Variants in N4BP1 observed in about 807,000 individuals in gnomAD.
N4BP1 encodes the protein NEDD4-binding protein 1.
Under a neutral mutation model 70.9 loss-of-function variants are expected in N4BP1, and 21 were observed. The ratio of observed to expected loss-of-function variants is 0.30; its 90% CI spans 0.21 to 0.43. The LOEUF (loss-of-function observed/expected upper bound fraction) is 0.43, where lower values mean the gene tolerates loss of function less well. Among genes scored for constraint, N4BP1 ranks in the 20% least tolerant of loss-of-function variants. The probability of loss-of-function intolerance (pLI) is 1.00; values close to 1 mark genes in which losing one functional copy is unlikely to be tolerated. For synonymous variants in N4BP1, 387 were observed against 394.6 expected, an observed-to-expected ratio of 0.98 and a Z score of 0.23; for missense variants, 936 against 1,069.4, an observed-to-expected ratio of 0.88 and a Z score of 1.74.
chr16:48,546,979 T>C (rs111751857), intron 5 of N4BP1, among the ~76,000 whole-genome samples: 3 of 152,344 alleles, frequency 2.0e-5, no homozygotes, highest in African/African-American at 7.2e-5. Flanking sequence ...GCTCATTAAC[T>C]GTGCCCAGAA....
chr16:48,608,475 G>T (rs1183855795), intron 1 of N4BP1, among the ~76,000 whole-genome samples: 2 of 152,164 alleles, frequency 1.3e-5, no homozygotes, highest in Admixed American at 1.3e-4. Context: ...TGCAAAAAGA[G>T]GGCCCTTCCT....
chr16:48,544,133 G>GCA (rs1441568149), intron 6 of N4BP1, among the ~76,000 whole-genome samples: 1 of 152,234 alleles, frequency 6.6e-6, no homozygotes, highest in Non-Finnish European at 1.5e-5. Context: ...GGACTGATGA[G>GCA]CACAGCAGGT....
intron 1 of N4BP1, among the ~76,000 whole-genome samples, chr16:48,574,435 T>C (rs749090690): frequency 2.6e-5 from 4 of 152,226 alleles, no homozygotes; most frequent in Non-Finnish European, 5.9e-5. Context: ...CTTTTCTGGA[T>C]TAGTTTAATT....
At chr16:48,591,428 T>C (rs974383690) in intron 1 of N4BP1, among the ~76,000 whole-genome samples, 1 of 152,124 alleles carries the variant, frequency 6.6e-6, no homozygotes, top group African/African-American at 2.4e-5. Flanking sequence ...TATGGGTCCA[T>C]GGTTAAGCTG....
chr16:48,606,731 A>G (rs1964587444), intron 1 of N4BP1, among the ~76,000 whole-genome samples: 1 of 152,164 alleles, frequency 6.6e-6, no homozygotes, highest in African/African-American at 2.4e-5. Context: ...TCTCTACTCT[A>G]GCATTTGCAA....
chr16:48,580,911 C>A (rs1964167017), intron 1 of N4BP1, among the ~76,000 whole-genome samples: 1 of 151,948 alleles, frequency 6.6e-6, no homozygotes, highest in Non-Finnish European at 1.5e-5. Context: ...TTTAAGTATA[C>A]AGGAAAATAT....
At chr16:48,572,667 T>C (rs1964035290) in intron 1 of N4BP1, among the ~76,000 whole-genome samples, 1 of 152,098 alleles carries the variant, frequency 6.6e-6, no homozygotes, top group Admixed American at 6.5e-5. Context: ...CCAAACATCA[T>C]AGCTATGCAG....
In N4BP1 at chr16:48,581,447, A is replaced by C. The variant is rs546154085; in HGVS notation, c.199-19003T>G. Among the ~76,000 whole-genome samples, 3 of 152,246 alleles carry C rather than the reference A, an allele frequency of 2.0e-5. No individual in the cohort carries two copies. In the South Asian group the frequency reaches 6.2e-4, roughly 32 times the overall value. On this transcript the variant is annotated intron_variant, in intron 1 of 6. Coordinates refer to ENST00000262384, the MANE Select transcript of N4BP1 (RefSeq NM_153029.4). ...AGAAATATAAGACATCCACACTAGAAAGAAAAAAGTTAAACTGTTCCCAGA... is the reference window on the plus strand; with the variant it reads ...AGAAATATAAGACATCCACACTAGACAGAAAAAAGTTAAACTGTTCCCAGA...
intron 5 of N4BP1, among the ~76,000 whole-genome samples, chr16:48,546,953 C>T (rs62059428): frequency 2.5e-3 from 374 of 152,266 alleles, no homozygotes; most frequent in Non-Finnish European, 4.1e-3. Flanking sequence ...CAGAAACATG[C>T]CCTACAAGAT....
At chr16:48,602,586 G>T (rs928129723) in intron 1 of N4BP1, among the ~76,000 whole-genome samples, 3 of 152,044 alleles carry the variant, frequency 2.0e-5, no homozygotes, top group Non-Finnish European at 1.5e-5. Context: ...TTCTTAAGAA[G>T]ATGATTTTCA....
chr16:48,608,658 G>C (rs928196592), intron 1 of N4BP1, among the ~76,000 whole-genome samples: 13 of 151,780 alleles, frequency 8.6e-5, no homozygotes, highest in African/African-American at 2.2e-4. Context: ...GGTTTGGAAA[G>C]GGGGGGAAGT....
chr16:48,570,133 G>A (rs1330645472), intron 1 of N4BP1, among the ~76,000 whole-genome samples: 1 of 151,004 alleles, frequency 6.6e-6, no homozygotes, highest in African/African-American at 2.4e-5. Context: ...ACTTGGGGCT[G>A]GGTTACATGA....
intron 1 of N4BP1, among the ~76,000 whole-genome samples, chr16:48,562,723 A>G (rs1963879755): frequency 6.6e-6 from 1 of 152,254 alleles, no homozygotes; most frequent in African/African-American, 2.4e-5. Flanking sequence ...GCTGAGCTAC[A>G]CAGTGAATAA....
At chr16:48,607,056 CTA>C (rs1416527108) in intron 1 of N4BP1, among the ~76,000 whole-genome samples, 4 of 152,098 alleles carry the variant, frequency 2.6e-5, no homozygotes, top group Non-Finnish European at 5.9e-5. Context: ...CAACTCTTAC[CTA>C]TGAGTCTCAA....
At chr16:48,543,705 G>C (rs1312222045) in intron 6 of N4BP1, among the ~76,000 whole-genome samples, 1 of 152,168 alleles carries the variant, frequency 6.6e-6, no homozygotes, top group Non-Finnish European at 1.5e-5. Flanking sequence ...GTCTAGATGA[G>C]GTGTGGGTGG....
Position 48,553,569 on chromosome 16 carries a change from A to G in N4BP1, c.1990T>C (p.Trp664Arg). The G allele has an allele frequency of 6.3e-7, 1 of 1,599,904 alleles. No homozygotes were observed. Among genetic ancestry groups the G allele is most frequent in the Non-Finnish European group, 8.5e-7 (1 of 1,174,414 alleles). The change falls in exon 3 of 7, where the codon TGG becomes CGG. Residue 664 changes from tryptophan (W) to arginine (R), a missense_variant. Coordinates refer to ENST00000262384, the MANE Select transcript of N4BP1 (RefSeq NM_153029.4). ...NRNITVFVPQ[W>R]RTRRDPNVTE... ...ACATTAGGATCACGCCTTGTTCTCCACTGAGGGACAAATACAGTGATGTTT... is the reference window on the plus strand; with the variant it reads ...ACATTAGGATCACGCCTTGTTCTCCGCTGAGGGACAAATACAGTGATGTTT...
At chr16:48,564,703 G>C (rs888242793) in intron 1 of N4BP1, among the ~76,000 whole-genome samples, 5 of 152,176 alleles carry the variant, frequency 3.3e-5, no homozygotes, top group African/African-American at 1.2e-4. Flanking sequence ...ATATCTTGCT[G>C]GAATTTTATC....
intron 3 of N4BP1, among the ~76,000 whole-genome samples, chr16:48,551,761 G>A (rs887662565): frequency 6.6e-6 from 1 of 152,200 alleles, no homozygotes; most frequent in Admixed American, 6.5e-5. Context: ...GCTCACGCCT[G>A]TAATCCCAGC....
chr16:48,548,196 C>T, intron 4 of N4BP1, 82 bp from the exon 5 acceptor site: 1 of 818,750 alleles, frequency 1.2e-6, no homozygotes, highest in South Asian at 1.5e-5. Context: ...AGAATATTTC[C>T]TCTTCATAGG....
Sources: allele counts gnomAD v4.1 joint callset (sites outside exome capture counted in the v4.1 genomes callset), GRCh38; gene constraint gnomAD v4.1.1; transcripts MANE v1.5; gene names NCBI Gene and HGNC (gene_info 2026-07-23, HGNC 2026-07-21).